The following MSMB variants were observed in gnomAD, a reference collection of about 807,000 sequenced individuals.
MSMB encodes microseminoprotein beta.
Under a neutral mutation model 10.5 loss-of-function variants are expected in MSMB, and 10 were observed. That is an observed-to-expected ratio of 0.95 (90% CI 0.59 to 1.62). The LOEUF is 1.62. Among genes scored for constraint, MSMB ranks in the 40% most tolerant of loss-of-function variants. MSMB has a pLI of 0.00. For synonymous variants in MSMB, 43 were observed against 46.5 expected, an observed-to-expected ratio of 0.93 and a Z score of 0.30; for missense variants, 126 against 137.4, an observed-to-expected ratio of 0.92 and a Z score of 0.42.
At chr10:46,042,977 C>T (rs1353287545) in intron 1 of MSMB, among the ~76,000 whole-genome samples, 1 of 152,178 alleles carries the variant, frequency 6.6e-6, no homozygotes, top group South Asian at 2.1e-4. Context: ...TGACACAACG[C>T]CTTGATACAT....
chr10:46,036,788 A>C (rs560331530), intron 3 of MSMB, among the ~76,000 whole-genome samples: 2 of 152,304 alleles, frequency 1.3e-5, no homozygotes, highest in African/African-American at 4.8e-5. Context: ...ATCTTAGAAG[A>C]GGGCAGGGAT....
intron 1 of MSMB, among the ~76,000 whole-genome samples, chr10:46,045,367 A>G (rs1259527137): frequency 6.6e-6 from 1 of 152,070 alleles, no homozygotes; most frequent in East Asian, 1.9e-4. Context: ...TCCTATCTCT[A>G]AAACAAATAC....
intron 1 of MSMB, among the ~76,000 whole-genome samples, chr10:46,043,760 C>T (rs1261260260): frequency 5.3e-5 from 8 of 152,082 alleles, no homozygotes; most frequent in African/African-American, 1.9e-4. Context: ...CTGCAACCTC[C>T]GCCTCCCGGG....
chr10:46,039,374 G>C (rs1245641848), intron 2 of MSMB, among the ~76,000 whole-genome samples: 1 of 152,156 alleles, frequency 6.6e-6, no homozygotes, highest in African/African-American at 2.4e-5. Context: ...GTGAGCCTGT[G>C]GGTACTTGGG....
chr10:46,040,501 A>G (rs1483110221), intron 1 of MSMB, among the ~76,000 whole-genome samples: 1 of 152,220 alleles, frequency 6.6e-6, no homozygotes, highest in African/African-American at 2.4e-5. Flanking sequence ...AGAAATTAGA[A>G]GAGAGTGAGA....
intron 3 of MSMB, among the ~76,000 whole-genome samples, chr10:46,037,873 TTCA>T (rs1218600442): frequency 1.3e-5 from 2 of 152,242 alleles, no homozygotes; most frequent in Non-Finnish European, 2.9e-5. Context: ...AACCCAAGTG[TTCA>T]TCAACAGATG....
At chr10:46,038,380 C>T (rs745792484) in intron 3 of MSMB, among the ~76,000 whole-genome samples, 7 of 151,964 alleles carry the variant, frequency 4.6e-5, no homozygotes, top group African/African-American at 1.7e-4. Flanking sequence ...CTCTGCCTCC[C>T]GGGTTCACGC....
chr10:46,034,018 AC>A (rs1414009626), intron 3 of MSMB, among the ~76,000 whole-genome samples: 2 of 152,220 alleles, frequency 1.3e-5, no homozygotes, highest in Non-Finnish European at 2.9e-5. Context: ...AAAGTCAGAG[AC>A]CACCTCTAAT....
chr10:46,040,791 A>G (rs1483611145), intron 1 of MSMB, among the ~76,000 whole-genome samples: 1 of 152,094 alleles, frequency 6.6e-6, no homozygotes, highest in African/African-American at 2.4e-5. Context: ...CGTCTCTACT[A>G]AAAATACAAA....
chr10:46,044,753 A>C (rs1278651527), intron 1 of MSMB, among the ~76,000 whole-genome samples: 3 of 151,596 alleles, frequency 2.0e-5, no homozygotes, highest in Admixed American at 6.6e-5. Flanking sequence ...AGAGTTAGAG[A>C]CCAGCCTGGG....
chr10:46,042,856 T>C (rs1840783615), intron 1 of MSMB, among the ~76,000 whole-genome samples: 1 of 152,190 alleles, frequency 6.6e-6, no homozygotes, highest in Non-Finnish European at 1.5e-5. Flanking sequence ...CATCTTTGGA[T>C]GGGGAGATTA....
At chr10:46,045,091 C>A (rs1354303839) in intron 1 of MSMB, among the ~76,000 whole-genome samples, 1 of 152,204 alleles carries the variant, frequency 6.6e-6, no homozygotes, top group African/African-American at 2.4e-5. Flanking sequence ...TGGCTCCTCC[C>A]ACTTGGCTGG....
intron 3 of MSMB, among the ~76,000 whole-genome samples, chr10:46,034,697 C>T (rs564157930): frequency 1.3e-5 from 2 of 151,688 alleles, no homozygotes; most frequent in South Asian, 2.1e-4. Context: ...TGGTTGCAGG[C>T]GCCTGTAGTC....
chr10:46,041,597 C>T lies in MSMB; in HGVS notation c.4-1506G>A, dbSNP rs370098811. ...TCGCTTGAGCTCAGGAGTTCAAGAC[C>T]AGCCTAGGCAACATGGTGAAAACCC... On this transcript the variant is annotated intron_variant, in intron 1 of 3. Coordinates refer to ENST00000582163, the MANE Select transcript of MSMB (RefSeq NM_002443.4). Among the ~76,000 whole-genome samples, 53 of 152,084 alleles carry T rather than the reference C, an allele frequency of 3.5e-4. No homozygotes were observed. The East Asian group carries it at 9.3e-3, about 27-fold the overall frequency.
chr10:46,043,435 G>GTCTCTC lies in MSMB; in HGVS notation c.3+2794_3+2799dup, dbSNP rs149445497. 1.4e-3 allele frequency among the ~76,000 whole-genome samples: 178 copies of GTCTCTC among 124,424 alleles called. 3 individuals are homozygous for GTCTCTC. In the South Asian group the frequency reaches 0.022, roughly 15 times the overall value. 81.6% of individuals were successfully genotyped at this position (124,424 alleles called of 152,430 possible). On this transcript the variant is annotated intron_variant, in intron 1 of 3. Transcript: ENST00000582163. ...TCCCTCCCTCCCTCCCTCCCTTTCT[G>GTCTCTC]TCTCTCTCTCTCTCTCTCTCTGAAA... is the stretch of plus-strand genomic sequence containing the variant.
At chr10:46,034,198 C>T (rs782001615) in intron 3 of MSMB, among the ~76,000 whole-genome samples, 37 of 152,116 alleles carry the variant, frequency 2.4e-4, no homozygotes, top group Admixed American at 1.0e-3. Flanking sequence ...CTTCAGCCTC[C>T]GTCTCCCAGG....
chr10:46,040,258 A>T lies in MSMB; in HGVS notation c.4-167T>A, dbSNP rs184200288. On this transcript the variant is annotated intron_variant, in intron 1 of 3. Transcript: ENST00000582163. ...TAGGCTGAAATTGTAGAACAAGGAA[A>T]AGTATCTAGTTGACTTTGTCATCTT... 2.8e-4 allele frequency among the ~76,000 whole-genome samples: 42 copies of T among 152,330 alleles called. 1 individual carries two copies. Among genetic ancestry groups the T allele is most frequent in the Admixed American group, 2.4e-3 (37 of 15,306 alleles).
intron 3 of MSMB, among the ~76,000 whole-genome samples, chr10:46,036,506 GCA>G (rs1399967968): frequency 6.6e-6 from 1 of 152,170 alleles, no homozygotes; most frequent in Non-Finnish European, 1.5e-5. Flanking sequence ...CACAGAATTG[GCA>G]CAGAGAAGGC....
chr10:46,033,610 C>G, intron 3 of MSMB, 59 bp from the exon 4 acceptor site: 1 of 1,599,820 alleles, frequency 6.3e-7, no homozygotes, highest in Non-Finnish European at 8.5e-7. Context: ...GCACCCCCTC[C>G]CCAGTGCCAG....
Sources: gnomAD v4.1 joint callset for allele counts (sites outside exome capture counted in the v4.1 genomes callset) on GRCh38, gnomAD v4.1.1 for gene constraint, MANE v1.5 for transcripts, NCBI Gene and HGNC (gene_info 2026-07-23, HGNC 2026-07-21) for gene names.